CDIN1: variants seen among roughly 807,000 people sequenced by gnomAD.
The protein encoded by CDIN1 is CDAN1-interacting nuclease 1.
A neutral mutation model predicts 45.3 loss-of-function variants in CDIN1; 33 were observed. The observed-to-expected ratio is 0.73, with a 90% CI of 0.55 to 0.97. The LOEUF is 0.97. Among genes scored for constraint, CDIN1 ranks in the 50% least tolerant of loss-of-function variants. The probability of loss-of-function intolerance (pLI) is 0.00; values close to 1 mark genes in which losing one functional copy is unlikely to be tolerated. For synonymous variants in CDIN1, 118 were observed against 124.4 expected (o/e 0.95, Z 0.34); for missense variants, 303 against 339.4 (o/e 0.89, Z 0.84).
chr15:36,623,062 C>T (rs1057165029), intron 1 of CDIN1, among the ~76,000 whole-genome samples: 5 of 152,094 alleles, frequency 3.3e-5, no homozygotes, highest in African/African-American at 1.2e-4. Flanking sequence ...TAAAATTTTG[C>T]ATTTTTTTAG....
chr15:36,693,547 T>C (rs1238585772), intron 7 of CDIN1, among the ~76,000 whole-genome samples: 1 of 152,168 alleles, frequency 6.6e-6, no homozygotes, highest in Non-Finnish European at 1.5e-5. Context: ...CATAAAATAG[T>C]TAAAAATCAA....
At chr15:36,619,200 G>T in intron 1 of CDIN1, 1 of 1,309,628 alleles carries the variant, frequency 7.6e-7, no homozygotes, top group Admixed American at 2.2e-5. Flanking sequence ...TTAGTCGTAG[G>T]GCTATACCTC....
intron 10 of CDIN1, among the ~76,000 whole-genome samples, chr15:36,718,483 T>C (rs1343712876): frequency 6.6e-6 from 1 of 152,170 alleles, no homozygotes; most frequent in Non-Finnish European, 1.5e-5. Context: ...TTCTGATCCA[T>C]GAACCTGACA....
At position 36,808,823 on chromosome 15, in the gene CDIN1, C is replaced by T. The variant is rs946038357; in HGVS notation, c.*370C>T. Reference sequence around the variant, plus strand: ...ATTTTTCAATTCTCCTCCCAGTTACCGAATCACCCTCTTATTTTTTTTTCC... The same window carrying T: ...ATTTTTCAATTCTCCTCCCAGTTACTGAATCACCCTCTTATTTTTTTTTCC... On this transcript the variant is annotated 3_prime_UTR_variant, in exon 11 of 11. Transcript: ENST00000566621. 2.0e-5 allele frequency: 9 copies of T among 456,528 alleles called. No homozygotes were observed. The highest frequency in any genetic ancestry group is 3.1e-5 in the Non-Finnish European group (7 of 227,956). The allele number at this position is 456,528 out of a possible 1,614,324, so 28.3% of individuals were successfully genotyped here.
At chr15:36,667,444 A>G (rs2041290516) in intron 5 of CDIN1, among the ~76,000 whole-genome samples, 1 of 152,228 alleles carries the variant, frequency 6.6e-6, no homozygotes, top group Admixed American at 6.5e-5. Flanking sequence ...GTACAGCTAT[A>G]AAAAGAAAGT....
intron 10 of CDIN1, among the ~76,000 whole-genome samples, chr15:36,738,193 A>G (rs1005615085): frequency 6.6e-6 from 1 of 152,124 alleles, no homozygotes; most frequent in Non-Finnish European, 1.5e-5. Context: ...TCCGAAAGCT[A>G]TGGGTCTATA....
At chr15:36,676,484 T>C (rs1210575113) in intron 5 of CDIN1, among the ~76,000 whole-genome samples, 1 of 152,200 alleles carries the variant, frequency 6.6e-6, no homozygotes, top group Non-Finnish European at 1.5e-5. Flanking sequence ...GAGAGGCTTC[T>C]TGAAGTCATC....
Position 36,677,808 on chromosome 15 carries a change from C to G in CDIN1, c.347-13877C>G, listed in dbSNP as rs75496805. ...CAAAGGAAAGTCAGGAAAAAAAATT[C>G]CAGATTTGGAAGTTGTGTGTGTGAG... On this transcript the variant is annotated intron_variant, in intron 5 of 10. Transcript: ENST00000566621. 1.2e-3 allele frequency among the ~76,000 whole-genome samples: 188 copies of G among 152,190 alleles called. 5 individuals are homozygous for G. In the East Asian group the frequency reaches 0.031, roughly 25 times the overall value.
intron 1 of CDIN1, chr15:36,618,599 ATGTTG>A (rs2039006396): frequency 1.6e-5 from 13 of 836,308 alleles, no homozygotes; most frequent in Non-Finnish European, 2.6e-5. Flanking sequence ...AGGATGTCTG[ATGTTG>A]TTAAAGGTGT....
chr15:36,691,655 T>C, intron 5 of CDIN1, 30 bp from the exon 6 acceptor site: 1 of 1,430,482 alleles, frequency 7.0e-7, no homozygotes, highest in South Asian at 1.2e-5. Flanking sequence ...GTTGACTATC[T>C]GCTAACAGTT....
At chr15:36,696,474 C>G (rs1472564230) in intron 7 of CDIN1, 1 of 152,212 alleles carries the variant, frequency 6.6e-6, no homozygotes, top group African/African-American at 2.4e-5. Flanking sequence ...ACAGAATTCT[C>G]TAAGATTAGG....
chr15:36,675,586 G>C (rs915686675), intron 5 of CDIN1, among the ~76,000 whole-genome samples: 9 of 152,088 alleles, frequency 5.9e-5, no homozygotes, highest in African/African-American at 2.2e-4. Context: ...TGTGCTCAGC[G>C]GCCTTGCTGA....
intron 1 of CDIN1, among the ~76,000 whole-genome samples, chr15:36,606,105 A>T (rs890469915): frequency 6.6e-6 from 1 of 151,992 alleles, no homozygotes; most frequent in Non-Finnish European, 1.5e-5. Flanking sequence ...CTCTCTGCTG[A>T]TCTGAAGTCA....
intron 10 of CDIN1, among the ~76,000 whole-genome samples, chr15:36,783,067 C>T (rs568995685): frequency 3.9e-5 from 6 of 152,256 alleles, no homozygotes; most frequent in Admixed American, 1.3e-4. Flanking sequence ...AATCTCTCCT[C>T]GGGTACTCAG....
intron 10 of CDIN1, among the ~76,000 whole-genome samples, chr15:36,720,590 C>T (rs189011841): frequency 1.9e-4 from 29 of 152,206 alleles, no homozygotes; most frequent in African/African-American, 6.5e-4. Flanking sequence ...ATCCATGTCC[C>T]TGGAAAGGAA....
At chr15:36,793,207 T>C (rs1187387014) in intron 10 of CDIN1, among the ~76,000 whole-genome samples, 1 of 152,182 alleles carries the variant, frequency 6.6e-6, no homozygotes, top group East Asian at 1.9e-4. Flanking sequence ...ACTCATCTTT[T>C]TACCTGCTTG....
intron 1 of CDIN1, among the ~76,000 whole-genome samples, chr15:36,584,957 C>T (rs2037225321): frequency 6.6e-6 from 1 of 152,168 alleles, no homozygotes; most frequent in Non-Finnish European, 1.5e-5. Context: ...GCACCTGAAA[C>T]ATAGGACATA....
At chr15:36,684,425 C>A (rs1408623998) in intron 5 of CDIN1, among the ~76,000 whole-genome samples, 2 of 151,642 alleles carry the variant, frequency 1.3e-5, no homozygotes, top group Non-Finnish European at 3.0e-5. Context: ...GGGATGAAGC[C>A]CACTTGATCA....
At chr15:36,773,932 C>T (rs1448739462) in intron 10 of CDIN1, among the ~76,000 whole-genome samples, 1 of 152,220 alleles carries the variant, frequency 6.6e-6, no homozygotes, top group Non-Finnish European at 1.5e-5. Context: ...TCCTTGACAC[C>T]TCTGAAAGCT....
Sources: allele counts gnomAD v4.1 joint callset (sites outside exome capture counted in the v4.1 genomes callset), GRCh38; gene constraint gnomAD v4.1.1; transcripts MANE v1.5; gene names NCBI Gene and HGNC (gene_info 2026-07-23, HGNC 2026-07-21).